GRIA3: variants seen among roughly 807,000 people sequenced by gnomAD.
GRIA3 encodes glutamate receptor 3.
GRIA3 carries 3 observed loss-of-function variants against 63.0 expected under a neutral mutation model. The observed-to-expected ratio is 0.05, with a 90% CI of 0.02 to 0.12. GRIA3 has a LOEUF of 0.12. Ranked by LOEUF, GRIA3 falls within the 10% of genes least tolerant of loss-of-function variation. GRIA3 has a pLI of 1.00. For synonymous variants in GRIA3, 274 were observed against 257.9 expected, an observed-to-expected ratio of 1.06 and a Z score of -0.60; for missense variants, 347 against 700.9, an observed-to-expected ratio of 0.50 and a Z score of 5.70.
intron 3 of GRIA3, among the ~76,000 whole-genome samples, chrX:123,307,212 C>T (rs764976696): frequency 8.9e-6 from 1 of 111,826 alleles, no homozygotes; most frequent in South Asian, 3.8e-4. Flanking sequence ...ACCCTTGAAA[C>T]AACCTTGGGG....
intron 2 of GRIA3, among the ~76,000 whole-genome samples, chrX:123,241,319 T>C (rs1253963871): frequency 1.8e-5 from 2 of 111,401 alleles, no homozygotes; most frequent in Non-Finnish European, 3.8e-5. Flanking sequence ...TATATTTAGG[T>C]ACAAAAAATC....
chrX:123,317,558 T>G (rs1240707934), intron 3 of GRIA3, among the ~76,000 whole-genome samples: 1 of 111,801 alleles, frequency 8.9e-6, no homozygotes, highest in East Asian at 2.8e-4. Flanking sequence ...ACAGGGCCCA[T>G]GTAAGTCCAA....
intron 4 of GRIA3, among the ~76,000 whole-genome samples, chrX:123,354,599 A>C (rs2045120833): frequency 2.7e-5 from 3 of 111,487 alleles, no homozygotes; most frequent in Admixed American, 1.9e-4. Flanking sequence ...CTAAGTACAG[A>C]AATCGAGTTC....
intron 4 of GRIA3, among the ~76,000 whole-genome samples, chrX:123,327,928 T>C (rs1418384044): frequency 8.9e-6 from 1 of 111,877 alleles, no homozygotes; most frequent in Non-Finnish European, 1.9e-5. Context: ...CCCTCTAAAA[T>C]TTTATACCAA....
chrX:123,340,853 C>T (rs2045004141), intron 4 of GRIA3, among the ~76,000 whole-genome samples: 2 of 111,779 alleles, frequency 1.8e-5, no homozygotes, highest in African/African-American at 6.5e-5. Context: ...AAAACCCTAG[C>T]AAAGCTGTGT....
rs16997172 is a variant in GRIA3, at chrX:123,218,934, C to G, written c.268+32944C>G. Among the ~76,000 whole-genome samples, 603 of 111,826 alleles carry G rather than the reference C, an allele frequency of 5.4e-3. 3 individuals carry two copies. The highest frequency in any genetic ancestry group is 0.019 in the African/African-American group (575 of 30,739). On this transcript the variant is annotated intron_variant, in intron 2 of 15. Transcript: ENST00000620443. ...GGCTGACAGTGAGTTAAATTCTTGA[C>G]CCTTCAAATTAGAGCAGTTTGATTG...
At chrX:123,341,519 G>GC (rs2045008862) in intron 4 of GRIA3, among the ~76,000 whole-genome samples, 5 of 103 alleles carry the variant, frequency 0.049, no homozygotes, top group African/African-American at 0.097. Context: ...CAGCACCACA[G>GC]TCTGTGCCAG....
chrX:123,470,616 C>T (rs1172236601), intron 13 of GRIA3, among the ~76,000 whole-genome samples: 1 of 111,806 alleles, frequency 8.9e-6, no homozygotes, highest in East Asian at 2.8e-4. Flanking sequence ...TTCCAAAATC[C>T]CTCAGCTTCA....
At position 123,417,682 on chromosome X, in the gene GRIA3, A is replaced by G; in HGVS notation, c.1781A>G (p.Gln594Arg). ...AACAATGAAGAACCTCGTGACCCACAAAGTCCTCCTGATCCTCCAAATGAA... is the reference window on the plus strand; with the variant it reads ...AACAATGAAGAACCTCGTGACCCACGAAGTCCTCCTGATCCTCCAAATGAA... Reference protein sequence around the residue: ...EDNNEEPRDPQSPPDPPNEFG... With the variant: ...EDNNEEPRDPRSPPDPPNEFG... Residue 594 changes from glutamine to arginine, a missense_variant, in exon 11 of 16, where the codon CAA (glutamine) becomes CGA (arginine). This residue lies in a region of GRIA3 where 19 missense variants were observed against 30.9 expected (regional missense o/e 0.61). Coordinates refer to ENST00000620443, the MANE Select transcript of GRIA3 (RefSeq NM_007325.5). 1 of 1,176,518 alleles carries G rather than the reference A, an allele frequency of 8.5e-7. No individual in the cohort carries two copies. Among genetic ancestry groups the G allele is most frequent in the South Asian group, 2.0e-5 (1 of 50,712 alleles).
At chrX:123,252,980 C>A (rs887261513) in intron 2 of GRIA3, among the ~76,000 whole-genome samples, 1 of 111,784 alleles carries the variant, frequency 8.9e-6, no homozygotes, top group Non-Finnish European at 1.9e-5. Flanking sequence ...GGCCCCTGGG[C>A]AGCTAAAGTG....
intron 5 of GRIA3, among the ~76,000 whole-genome samples, chrX:123,385,146 T>A (rs1389421921): frequency 1.8e-5 from 2 of 111,995 alleles, no homozygotes; most frequent in Non-Finnish European, 3.8e-5. Context: ...TACATTTAAG[T>A]CCTTAATCCA....
At chrX:123,194,558 T>C (rs1309979794) in intron 2 of GRIA3, among the ~76,000 whole-genome samples, 1 of 112,121 alleles carries the variant, frequency 8.9e-6, no homozygotes, top group Non-Finnish European at 1.9e-5. Flanking sequence ...CACTGCAGTT[T>C]CCAAAGCTCC....
intron 4 of GRIA3, among the ~76,000 whole-genome samples, chrX:123,347,159 G>A (rs757911830): frequency 6.2e-5 from 7 of 112,178 alleles, no homozygotes; most frequent in South Asian, 3.7e-4. Flanking sequence ...AACTGTTAGC[G>A]TGTCAGTGTG....
intron 5 of GRIA3, among the ~76,000 whole-genome samples, chrX:123,367,419 TTTTTTTGTTTTTTG>T (rs1034859725): frequency 1.8e-5 from 2 of 109,078 alleles, no homozygotes; most frequent in Admixed American, 9.8e-5. Flanking sequence ...GGTTCTCTCT[TTTTTTTGTTTTTTG>T]TTTTTTGTTT....
At chrX:123,478,900 T>C (rs1444077644) in intron 13 of GRIA3, among the ~76,000 whole-genome samples, 3 of 113,160 alleles carry the variant, frequency 2.7e-5, no homozygotes, top group Non-Finnish European at 3.7e-5. Flanking sequence ...GTGCATTTTT[T>C]ATCCCAAGTC....
chrX:123,363,770 C>G (rs1233380268), intron 5 of GRIA3, among the ~76,000 whole-genome samples: 1 of 112,423 alleles, frequency 8.9e-6, no homozygotes, highest in Non-Finnish European at 1.9e-5. Flanking sequence ...ATAGCAGAAC[C>G]TACAAATCAA....
At chrX:123,275,735 T>A (rs1479350079) in intron 3 of GRIA3, among the ~76,000 whole-genome samples, 4 of 112,254 alleles carry the variant, frequency 3.6e-5, no homozygotes, top group Admixed American at 1.9e-4. Context: ...AACTTGGAAC[T>A]GACCTTGATC....
intron 12 of GRIA3, among the ~76,000 whole-genome samples, chrX:123,449,077 A>G (rs2045717070): frequency 9.0e-6 from 1 of 111,590 alleles, no homozygotes; most frequent in African/African-American, 3.3e-5. Context: ...CAGGATCTAT[A>G]CTCTTAACAA....
At chrX:123,184,779 A>T in intron 1 of GRIA3, 135 bp downstream of exon 1, 1 of 315,167 alleles carries the variant, frequency 3.2e-6, no homozygotes, top group Non-Finnish European at 6.3e-6. Flanking sequence ...CCGGGCAGAG[A>T]TGGTGCGGGG....
Sources: gnomAD v4.1 joint callset for allele counts (sites outside exome capture counted in the v4.1 genomes callset) on GRCh38, gnomAD v4.1.1 for gene constraint, gnomAD v4.1.1 regional missense constraint, MANE v1.5 for transcripts, NCBI Gene and HGNC (gene_info 2026-07-23, HGNC 2026-07-21) for gene names.